Variants in CNGB3 observed in about 807,000 individuals in gnomAD.
CNGB3 encodes the protein cyclic nucleotide-gated channel beta-3.
CNGB3 carries 86 observed loss-of-function variants against 92.8 expected under a neutral mutation model. That is an observed-to-expected ratio of 0.93 (90% CI 0.78 to 1.11). The LOEUF is 1.11. CNGB3 is among the 50% of genes least tolerant of loss of function. CNGB3 has a pLI of 0.00. For synonymous variants in CNGB3, 333 were observed against 332.7 expected, an observed-to-expected ratio of 1.00 and a Z score of -0.01; for missense variants, 1,026 against 956.8, an observed-to-expected ratio of 1.07 and a Z score of -0.95.
intron 7 of CNGB3, among the ~76,000 whole-genome samples, chr8:86,650,512 C>T (rs1263262376): frequency 6.6e-6 from 1 of 150,836 alleles, no homozygotes; most frequent in Non-Finnish European, 1.5e-5. Flanking sequence ...TTGTACAGAA[C>T]AGTAATTAAA....
intron 4 of CNGB3, among the ~76,000 whole-genome samples, chr8:86,668,377 C>T: frequency 6.6e-6 from 1 of 152,066 alleles, no homozygotes; most frequent in African/African-American, 2.4e-5. Flanking sequence ...AGGAAAAATA[C>T]CTAATGTAGA....
intron 15 of CNGB3, chr8:86,593,692 A>G: frequency 1.4e-6 from 1 of 707,428 alleles, no homozygotes; most frequent in South Asian, 1.5e-5. Context: ...AGACCTCACT[A>G]GGCACGCTGA....
At chr8:86,624,125 C>T (rs936936812) in intron 13 of CNGB3, among the ~76,000 whole-genome samples, 2 of 152,210 alleles carry the variant, frequency 1.3e-5, no homozygotes, top group African/African-American at 4.8e-5. Flanking sequence ...GTATAATTTA[C>T]AGTCTATAGA....
rs79755398 is a variant in CNGB3, at chr8:86,656,691, T to A, written c.853-2629A>T. Among the ~76,000 whole-genome samples the A allele has an allele frequency of 4.3e-3, 662 of 152,270 alleles. 5 individuals carry two copies. Among genetic ancestry groups the A allele is most frequent in the Middle Eastern group, 0.01 (3 of 294 alleles). On this transcript the variant is annotated intron_variant, in intron 6 of 17. Coordinates refer to ENST00000320005, the MANE Select transcript of CNGB3 (RefSeq NM_019098.5). ...AAGATCTACTCAGGTGTTAGTATAT[T>A]TACTTAGTATTTACCTCTTCTTTCT...
chr8:86,622,694 C>G (rs1022654745), intron 13 of CNGB3, among the ~76,000 whole-genome samples: 5 of 152,208 alleles, frequency 3.3e-5, no homozygotes, highest in African/African-American at 1.2e-4. Context: ...GGATTACTGG[C>G]ATAAGCCATG....
At chr8:86,625,160 A>G (rs1240608973) in intron 13 of CNGB3, among the ~76,000 whole-genome samples, 3 of 152,170 alleles carry the variant, frequency 2.0e-5, no homozygotes, top group Non-Finnish European at 4.4e-5. Flanking sequence ...TTTTAATAGC[A>G]ATGTGAGAAC....
chr8:86,678,781 A>G (rs1171659532), intron 3 of CNGB3, among the ~76,000 whole-genome samples: 3 of 152,206 alleles, frequency 2.0e-5, no homozygotes, highest in African/African-American at 7.2e-5. Context: ...TAGATTGTGA[A>G]TTTATATTAT....
At chr8:86,651,120 G>T (rs1456225163) in intron 7 of CNGB3, among the ~76,000 whole-genome samples, 2 of 151,556 alleles carry the variant, frequency 1.3e-5, no homozygotes, top group Non-Finnish European at 3.0e-5. Flanking sequence ...AGTATGCAAA[G>T]GCATACAGAG....
chr8:86,705,080 C>G (rs1393706526), intron 3 of CNGB3, among the ~76,000 whole-genome samples: 1 of 152,132 alleles, frequency 6.6e-6, no homozygotes, highest in Non-Finnish European at 1.5e-5. Context: ...AGTCAATAAA[C>G]TCCTCCCCAC....
At chr8:86,600,121 C>T (rs780006518) in intron 15 of CNGB3, among the ~76,000 whole-genome samples, 35 of 152,260 alleles carry the variant, frequency 2.3e-4, no homozygotes, top group Admixed American at 1.7e-3. Flanking sequence ...CATGAAATAT[C>T]GGGGGTGGAT....
intron 3 of CNGB3, among the ~76,000 whole-genome samples, chr8:86,675,389 A>T (rs1001186865): frequency 2.0e-5 from 3 of 151,528 alleles, no homozygotes; most frequent in African/African-American, 7.3e-5. Flanking sequence ...ACAAATTTTG[A>T]TAAACATAGG....
At chr8:86,709,516 G>T (rs1824711306) in intron 3 of CNGB3, among the ~76,000 whole-genome samples, 1 of 152,154 alleles carries the variant, frequency 6.6e-6, no homozygotes, top group Non-Finnish European at 1.5e-5. Flanking sequence ...CATTAGGCTA[G>T]GTAGAAGCAA....
At position 86,693,897 on chromosome 8, in the gene CNGB3, TC is replaced by T. The variant is rs1206392835; in HGVS notation, c.339-22800del. The stretch of plus-strand genomic sequence containing the variant: ...GACCTCTCAATCTTTTCCCCACCCT[TC>T]CCCCCCTCTCCATTCCACAAAACCG... On this transcript the variant is annotated intron_variant, in intron 3 of 17. Transcript: ENST00000320005. Among the ~76,000 whole-genome samples the T allele has an allele frequency of 1.3e-4, 20 of 149,662 alleles. No homozygotes were observed. The South Asian group carries it at 1.8e-3, about 13-fold the overall frequency.
chr8:86,659,304 TC>T, intron 6 of CNGB3: 1 of 1,111,200 alleles, frequency 9.0e-7, no homozygotes, highest in Non-Finnish European at 1.4e-6. Context: ...CAGGTGTGCT[TC>T]CAGCTGTGCC....
At position 86,670,974 on chromosome 8, in the gene CNGB3, G is replaced by A; in HGVS notation, c.463C>T (p.Leu155Phe). The change falls in exon 4 of 18, where the codon CTC (leucine) becomes TTC (phenylalanine). Residue 155 changes from leucine to phenylalanine, a missense_variant. By Grantham distance (22) the Leu-to-Phe change is conservative. Transcript: ENST00000320005. ...LYKKKLVEGD[L>F]SSPEASPQTA... is the part of the protein sequence containing the mutation. The stretch of plus-strand genomic sequence containing the variant: ...TGTGGGCTGGCTTCGGGTGAGGAGA[G>A]ATCTCCCTCTACCAACTTTTTCTTG... 1.9e-6 allele frequency: 3 copies of A among 1,612,706 alleles called. No individual in the cohort carries two copies. The highest frequency in any genetic ancestry group is 2.5e-6 in the Non-Finnish European group (3 of 1,180,004).
chr8:86,625,634 C>G (rs1022792575), intron 13 of CNGB3, among the ~76,000 whole-genome samples: 3 of 151,900 alleles, frequency 2.0e-5, no homozygotes, highest in African/African-American at 7.3e-5. Context: ...TATTCTGGAG[C>G]CTGATTTGTT....
At chr8:86,685,435 C>T (rs899206788) in intron 3 of CNGB3, among the ~76,000 whole-genome samples, 4 of 152,086 alleles carry the variant, frequency 2.6e-5, no homozygotes, top group African/African-American at 9.7e-5. Context: ...GTTTGAGAAA[C>T]ATTGTTTCAT....
At position 86,668,104 on chromosome 8, in the gene CNGB3, C is replaced by G; in HGVS notation, c.558G>C (p.Arg186Ser). The G allele has an allele frequency of 6.2e-7, 1 of 1,613,758 alleles. No homozygotes were observed. The highest frequency in any genetic ancestry group is 8.5e-7 in the Non-Finnish European group (1 of 1,179,918). Residue 186 changes from arginine to serine, a missense_variant, in exon 5 of 18, where the codon AGG becomes AGC. Transcript: ENST00000320005. ...SDDKPTEHYY[R>S]LLWFKVKKMP... ...TCTTTTTGACTTTGAACCACAACAG[C>G]CTGTAGTAATGTTCTGTTGGCTTAT...
chr8:86,609,883 C>T (rs1389234734), intron 14 of CNGB3, among the ~76,000 whole-genome samples: 1 of 151,966 alleles, frequency 6.6e-6, no homozygotes, highest in Non-Finnish European at 1.5e-5. Flanking sequence ...TTAGATTTTT[C>T]AAAGGTCACT....
Sources: allele counts gnomAD v4.1 joint callset (sites outside exome capture counted in the v4.1 genomes callset), GRCh38; gene constraint gnomAD v4.1.1; transcripts MANE v1.5; gene names NCBI Gene and HGNC (gene_info 2026-07-23, HGNC 2026-07-21).